The following RNF150 variants were observed in gnomAD, a reference collection of about 807,000 sequenced individuals.
RNF150 encodes ring finger protein 150.
Under a neutral mutation model 39.3 loss-of-function variants are expected in RNF150, and 24 were observed. The ratio of observed to expected loss-of-function variants is 0.61; its 90% CI spans 0.44 to 0.86. The LOEUF is 0.86. RNF150 is among the 40% of genes least tolerant of loss of function. RNF150 has a pLI of 0.00. For missense variants in RNF150, 502 were observed against 587.8 expected (o/e 0.85, Z 1.51); for synonymous variants, 255 against 227.3 (o/e 1.12, Z -1.10).
At chr4:140,921,348 G>A (rs1005387098) in intron 5 of RNF150, among the ~76,000 whole-genome samples, 5 of 151,758 alleles carry the variant, frequency 3.3e-5, no homozygotes, top group South Asian at 2.1e-4. Context: ...ACCTCTACAC[G>A]AATAAACTAG....
chr4:140,967,949 C>T, intron 1 of RNF150, 76 bp from the exon 2 acceptor site: 1 of 1,318,234 alleles, frequency 7.6e-7, no homozygotes, highest in Non-Finnish European at 1.1e-6. Context: ...GATGTGTGGA[C>T]ACAGTAACAC....
rs144889272 is a variant in RNF150 at position 140,932,065 on chromosome 4, G to A, written c.891-5992C>T. On this transcript the variant is annotated intron_variant, in intron 4 of 6. Coordinates refer to ENST00000515673, the MANE Select transcript of RNF150 (RefSeq NM_020724.2). ...CTGCAAGTGAGATTAGGACCCTGTGGTTTTCCTTTGGCACCAGTGCAAGCT... is the reference window on the plus strand; with the variant it reads ...CTGCAAGTGAGATTAGGACCCTGTGATTTTCCTTTGGCACCAGTGCAAGCT... Among the ~76,000 whole-genome samples the A allele has an allele frequency of 1.1e-3, 168 of 152,288 alleles. 5 individuals carry two copies. In the South Asian group the frequency reaches 0.022, roughly 20 times the overall value.
intron 1 of RNF150, among the ~76,000 whole-genome samples, chr4:141,111,736 G>C (rs1422957965): frequency 1.3e-5 from 2 of 152,144 alleles, no homozygotes; most frequent in Non-Finnish European, 2.9e-5. Context: ...AAACTGTTCT[G>C]GGTTTATATG....
At chr4:141,126,150 T>C (rs372787858) in intron 1 of RNF150, among the ~76,000 whole-genome samples, 254 of 152,182 alleles carry the variant, frequency 1.7e-3, no homozygotes, top group African/African-American at 5.9e-3. Flanking sequence ...TATTTTGGCA[T>C]GGAAGATCAA....
intron 2 of RNF150, among the ~76,000 whole-genome samples, chr4:140,958,454 C>T (rs755284398): frequency 1.1e-4 from 16 of 152,088 alleles, no homozygotes; most frequent in African/African-American, 3.1e-4. Context: ...GAGGTGGCTT[C>T]GTCTGGTGGA....
chr4:140,959,842 C>A (rs376127161), intron 2 of RNF150, among the ~76,000 whole-genome samples: 1 of 151,972 alleles, frequency 6.6e-6, no homozygotes, highest in African/African-American at 2.4e-5. Context: ...GATATGATTG[C>A]GGGAGAGAGG....
chr4:141,175,801 C>T (rs1727799467), intron 1 of RNF150, among the ~76,000 whole-genome samples: 1 of 152,168 alleles, frequency 6.6e-6, no homozygotes, highest in Non-Finnish European at 1.5e-5. Flanking sequence ...TGGTGAAGTT[C>T]CTCTTGCTGG....
In RNF150 at chr4:140,911,388, A is replaced by T. The variant is rs570950952; in HGVS notation, c.988-34T>A. On this transcript the variant is annotated intron_variant, in intron 5 of 6. Transcript: ENST00000515673. ...GCAGAAAAAGATCTGTTCTCAGTAC[A>T]TGTCATCCACTTAGAGATTAAATGT... The T allele has an allele frequency of 1.9e-6, 3 of 1,572,036 alleles. No individual in the cohort carries two copies. The South Asian group carries it at 3.4e-5, about 18-fold the overall frequency.
chr4:140,965,287 G>T (rs994133286), intron 2 of RNF150, among the ~76,000 whole-genome samples: 1 of 152,186 alleles, frequency 6.6e-6, no homozygotes, highest in African/African-American at 2.4e-5. Context: ...TACACTGTTG[G>T]TGGGAATGTA....
At chr4:141,131,606 C>G (rs774077127) in intron 1 of RNF150, among the ~76,000 whole-genome samples, 1 of 152,224 alleles carries the variant, frequency 6.6e-6, no homozygotes, top group Non-Finnish European at 1.5e-5. Flanking sequence ...AGTCTGAAAT[C>G]CCTTCATTCT....
At chr4:141,129,323 C>A (rs1246669191) in intron 1 of RNF150, among the ~76,000 whole-genome samples, 5 of 152,088 alleles carry the variant, frequency 3.3e-5, no homozygotes, top group African/African-American at 1.2e-4. Context: ...CCTTGATGAA[C>A]CTTAGAAAGA....
chr4:141,160,316 G>A (rs1321395638), intron 1 of RNF150, among the ~76,000 whole-genome samples: 1 of 152,202 alleles, frequency 6.6e-6, no homozygotes, highest in East Asian at 1.9e-4. Flanking sequence ...GGAAGGAAGT[G>A]ACTGAAGGAA....
intron 1 of RNF150, among the ~76,000 whole-genome samples, chr4:141,198,689 A>T (rs1728244086): frequency 6.6e-6 from 1 of 152,234 alleles, no homozygotes; most frequent in African/African-American, 2.4e-5. Flanking sequence ...AGATGAGCTC[A>T]CTGATTTTTA....
At chr4:140,882,545 A>G (rs1457266136) in intron 6 of RNF150, among the ~76,000 whole-genome samples, 1 of 152,122 alleles carries the variant, frequency 6.6e-6, no homozygotes, top group Middle Eastern at 3.4e-3. Context: ...TCTTACTCTT[A>G]TTGTGTTACT....
chr4:141,209,386 T>A (rs940952827), intron 1 of RNF150, among the ~76,000 whole-genome samples: 6 of 152,182 alleles, frequency 3.9e-5, no homozygotes, highest in Admixed American at 3.3e-4. Flanking sequence ...TTGCATTAGG[T>A]GAATATGTAA....
chr4:141,165,087 A>G (rs1727578192), intron 1 of RNF150, among the ~76,000 whole-genome samples: 1 of 152,172 alleles, frequency 6.6e-6, no homozygotes, highest in African/African-American at 2.4e-5. Context: ...GCCTAAAACT[A>G]AAAAGATGGA....
At chr4:141,096,424 C>G (rs1372134512) in intron 1 of RNF150, among the ~76,000 whole-genome samples, 1 of 151,912 alleles carries the variant, frequency 6.6e-6, no homozygotes, top group Non-Finnish European at 1.5e-5. Context: ...TCTCGAACTC[C>G]TGAGTTCAGG....
chr4:140,957,381 C>G (rs1225131330), intron 2 of RNF150, among the ~76,000 whole-genome samples: 66 of 152,040 alleles, frequency 4.3e-4, no homozygotes, highest in African/African-American at 1.6e-3. Context: ...GAATGGTGAT[C>G]ATTAAAAAGT....
rs1412086533 is a variant in RNF150 at position 141,132,863 on chromosome 4, T to C, written c.-55A>G. ...CCGCGCCCTCCCTCCGTCCCGTCCC[T>C]CCTCCCCAGCCCCGGCCAACCCCGG... On this transcript the variant is annotated 5_prime_UTR_variant, in exon 1 of 7. Transcript: ENST00000515673. The surrounding 1 kb of genome is among the most constrained non-coding windows in gnomAD (Gnocchi z 4.9). 1.1e-5 allele frequency: 16 copies of C among 1,457,908 alleles called. No individual in the cohort carries two copies. In the East Asian group the frequency reaches 2.2e-4, roughly 20 times the overall value. 90.3% of individuals were successfully genotyped at this position (1,457,908 alleles called of 1,614,324 possible). A position where few individuals can be genotyped will look rare whatever the true frequency, so the allele number is the denominator to read the frequency against.
Sources: gnomAD v4.1 joint callset for allele counts (sites outside exome capture counted in the v4.1 genomes callset) on GRCh38, gnomAD v4.1.1 for gene constraint, Gnocchi (gnomAD v3.1) non-coding constraint, MANE v1.5 for transcripts, NCBI Gene and HGNC (gene_info 2026-07-23, HGNC 2026-07-21) for gene names.